Variants in LAMA2 observed in about 807,000 individuals in gnomAD.
The protein encoded by LAMA2 is laminin subunit alpha 2.
A neutral mutation model predicts 364.8 loss-of-function variants in LAMA2; 269 were observed. The ratio of observed to expected loss-of-function variants is 0.74; its 90% CI spans 0.67 to 0.82. The LOEUF is 0.82. LAMA2 is among the 40% of genes least tolerant of loss of function. The pLI is 0.00. For missense variants in LAMA2, 3,807 were observed against 3,873.2 expected, an observed-to-expected ratio of 0.98 and a Z score of 0.45; for synonymous variants, 1,379 against 1,370.6, an observed-to-expected ratio of 1.01 and a Z score of -0.14.
intron 1 of LAMA2, among the ~76,000 whole-genome samples, chr6:129,008,468 AC>A (rs1375974406): frequency 6.6e-6 from 1 of 152,098 alleles, no homozygotes; most frequent in Non-Finnish European, 1.5e-5. Context: ...ATTTATCATA[AC>A]CCTGGGAGAG....
chr6:129,434,600 A>C (rs548854040), intron 41 of LAMA2, among the ~76,000 whole-genome samples: 32 of 152,190 alleles, frequency 2.1e-4, no homozygotes, highest in South Asian at 6.2e-4. Flanking sequence ...ATTCAGTTGG[A>C]TTTTCTTTTA....
At chr6:128,890,757 C>T (rs2114382966) in intron 1 of LAMA2, among the ~76,000 whole-genome samples, 1 of 152,130 alleles carries the variant, frequency 6.6e-6, no homozygotes, top group Non-Finnish European at 1.5e-5. Flanking sequence ...GTTACTTCAG[C>T]AAGCTAGAAA....
At chr6:129,290,520 G>A (rs1789617450) in intron 19 of LAMA2, among the ~76,000 whole-genome samples, 1 of 152,094 alleles carries the variant, frequency 6.6e-6, no homozygotes, top group African/African-American at 2.4e-5. Flanking sequence ...CTAGAGCCAG[G>A]AGAATAAAAT....
Position 129,098,164 on chromosome 6 carries a change from C to T in LAMA2, c.397-9C>T, listed in dbSNP as rs1775298463. ...ATTCAATGTTATTGTTGTTGTTATA[C>T]TTCCCTAGGTGTTCCAGATCGCGTA... On this transcript the variant is annotated splice_polypyrimidine_tract_variant and intron_variant, in intron 3 of 64. Transcript: ENST00000421865. The T allele has an allele frequency of 6.2e-7, 1 of 1,613,886 alleles. No individual in the cohort carries two copies. Among genetic ancestry groups the T allele is most frequent in the African/African-American group, 1.3e-5 (1 of 75,030 alleles).
chr6:129,014,326 A>C (rs1784950245), intron 1 of LAMA2, among the ~76,000 whole-genome samples: 1 of 152,204 alleles, frequency 6.6e-6, no homozygotes, highest in Non-Finnish European at 1.5e-5. Flanking sequence ...CAAAACCTAG[A>C]ACTGCATTTG....
chr6:128,943,054 G>T (rs1780256685), intron 1 of LAMA2, among the ~76,000 whole-genome samples: 1 of 152,084 alleles, frequency 6.6e-6, no homozygotes, highest in African/African-American at 2.4e-5. Context: ...TAAGCTATAA[G>T]CTATTTTTTA....
At chr6:129,248,732 CT>C (rs975057087) in intron 12 of LAMA2, among the ~76,000 whole-genome samples, 19 of 152,020 alleles carry the variant, frequency 1.2e-4, no homozygotes, top group South Asian at 2.1e-4. Context: ...CAACATAAAA[CT>C]TTTTTTTCTC....
intron 1 of LAMA2, among the ~76,000 whole-genome samples, chr6:129,042,251 G>A (rs1489465865): frequency 1.3e-5 from 2 of 151,122 alleles, no homozygotes; most frequent in African/African-American, 4.9e-5. Context: ...GTTGCAGTGA[G>A]TTGGGATCAT....
Position 128,998,590 on chromosome 6 carries a change from C to T in LAMA2, c.113-51328C>T, listed in dbSNP as rs1216049405. Among the ~76,000 whole-genome samples the T allele has an allele frequency of 8.0e-5, 4 of 49,870 alleles. 1 individual carries two copies. Among genetic ancestry groups the T allele is most frequent in the East Asian group, 3.8e-4 (1 of 2,644 alleles). The allele number at this position is 49,870 out of a possible 152,430, so 32.7% of individuals were successfully genotyped here. A position where few individuals can be genotyped will look rare whatever the true frequency, so the allele number is the denominator to read the frequency against. On this transcript the variant is annotated intron_variant, in intron 1 of 64. Coordinates refer to ENST00000421865, the MANE Select transcript of LAMA2 (RefSeq NM_000426.4). ...GCGAGGCATTGCCTCACCTGGGAAG[C>T]GCAAGGGGTCAGGGAGTTCCCTTTC... is the stretch of plus-strand genomic sequence containing the variant.
chr6:129,469,497 A>G (rs924945146), intron 51 of LAMA2, among the ~76,000 whole-genome samples: 4 of 151,942 alleles, frequency 2.6e-5, no homozygotes, highest in African/African-American at 9.7e-5. Flanking sequence ...ACTGCTGCTG[A>G]GGATATAAAG....
At chr6:129,046,073 T>C (rs1161667324) in intron 1 of LAMA2, among the ~76,000 whole-genome samples, 2 of 152,254 alleles carry the variant, frequency 1.3e-5, no homozygotes, top group African/African-American at 4.8e-5. Flanking sequence ...ACTCATCATA[T>C]AAGCGAGCAA....
At chr6:129,030,090 A>G (rs34036977) in intron 1 of LAMA2, among the ~76,000 whole-genome samples, 1,725 of 152,184 alleles carry the variant, frequency 0.011, 18 homozygotes, top group Non-Finnish European at 0.015. Flanking sequence ...TAAAGTAAAG[A>G]TTGGCCGAAT....
chr6:129,186,817 A>G (rs1023118213), intron 10 of LAMA2, among the ~76,000 whole-genome samples: 2 of 151,674 alleles, frequency 1.3e-5, no homozygotes, highest in Non-Finnish European at 3.0e-5. Flanking sequence ...TCGTGACTCT[A>G]TTTCTCCAAG....
At chr6:129,042,006 A>AG (rs1787133622) in intron 1 of LAMA2, among the ~76,000 whole-genome samples, 1 of 150,702 alleles carries the variant, frequency 6.6e-6, no homozygotes, top group African/African-American at 2.5e-5. Context: ...TGTCTCAAAA[A>AG]AAAAAAAAAT....
intron 2 of LAMA2, among the ~76,000 whole-genome samples, chr6:129,057,799 G>C (rs1297485403): frequency 2.0e-5 from 3 of 152,146 alleles, no homozygotes; most frequent in Non-Finnish European, 4.4e-5. Flanking sequence ...ATATTAGGTA[G>C]GCAAATTGAG....
At chr6:128,989,987 T>C (rs1229942836) in intron 1 of LAMA2, among the ~76,000 whole-genome samples, 3 of 152,118 alleles carry the variant, frequency 2.0e-5, no homozygotes, top group African/African-American at 7.2e-5. Context: ...TATCCTCACA[T>C]TGGAGATTAG....
chr6:128,912,421 C>T (rs567316482), intron 1 of LAMA2, among the ~76,000 whole-genome samples: 3 of 152,140 alleles, frequency 2.0e-5, no homozygotes, highest in South Asian at 2.1e-4. Context: ...TTATTTTTTA[C>T]ATTTCTGGCA....
intron 12 of LAMA2, among the ~76,000 whole-genome samples, chr6:129,225,046 C>T (rs1021465200): frequency 1.3e-5 from 2 of 152,144 alleles, no homozygotes; most frequent in Admixed American, 6.5e-5. Flanking sequence ...TCAACTTCTT[C>T]CTTGTTTAGT....
chr6:129,316,170 A>G lies in LAMA2; in HGVS notation c.4057A>G (p.Arg1353Gly). The stretch of plus-strand genomic sequence containing the variant: ...TTATGGAAATTTCATGCGACAAAGC[A>G]GGTAAACTCTAATAGAAAATATTCA... Reference protein sequence around the residue: ...ATYGNFMRQSRISEISMEVAE... With the variant: ...ATYGNFMRQSGISEISMEVAE... Residue 1353 changes from arginine to glycine, a missense_variant and splice_region_variant, in exon 27 of 65, where the codon AGG becomes GGG. Arg to Gly is a moderately radical substitution (Grantham distance 125, BLOSUM62 -2). This residue lies in a region of LAMA2 where 3,333 missense variants were observed against 3,345.7 expected (regional missense o/e 1.00). Transcript: ENST00000421865. 1 of 1,600,748 alleles carries G rather than the reference A, an allele frequency of 6.2e-7. No individual in the cohort carries two copies. The highest frequency in any genetic ancestry group is 8.5e-7 in the Non-Finnish European group (1 of 1,169,610).
Sources: allele counts gnomAD v4.1 joint callset (sites outside exome capture counted in the v4.1 genomes callset), GRCh38; gene constraint gnomAD v4.1.1; regional missense constraint gnomAD v4.1.1; transcripts MANE v1.5; gene names NCBI Gene and HGNC (gene_info 2026-07-23, HGNC 2026-07-21).